RBFOX3: variants seen among roughly 807,000 people sequenced by gnomAD.
RBFOX3 encodes RNA binding protein fox-1 homolog 3.
In RBFOX3, 17 loss-of-function variants were observed where a neutral mutation model predicts 48.7. The ratio of observed to expected loss-of-function variants is 0.35; its 90% CI spans 0.24 to 0.52. RBFOX3 has a LOEUF of 0.52. Ranked by LOEUF, RBFOX3 falls within the 20% of genes least tolerant of loss-of-function variation. RBFOX3 has a pLI of 0.94. For missense variants in RBFOX3, 382 were observed against 497.5 expected (o/e 0.77, Z 2.21); for synonymous variants, 212 against 209.5 (o/e 1.01, Z -0.10).
At chr17:79,445,038 A>G (rs1385775201) in intron 2 of RBFOX3, among the ~76,000 whole-genome samples, 1 of 152,108 alleles carries the variant, frequency 6.6e-6, no homozygotes, top group Non-Finnish European at 1.5e-5. Flanking sequence ...TTCACTGAGC[A>G]TGACGTCCTC....
At chr17:79,122,807 T>A (rs1397886928) in intron 4 of RBFOX3, among the ~76,000 whole-genome samples, 1 of 151,956 alleles carries the variant, frequency 6.6e-6, no homozygotes, top group Admixed American at 6.6e-5. Flanking sequence ...AACCTAAGTG[T>A]CCATCAACAG....
intron 3 of RBFOX3, among the ~76,000 whole-genome samples, chr17:79,287,902 C>G (rs917436855): frequency 6.6e-6 from 1 of 152,146 alleles, no homozygotes; most frequent in Non-Finnish European, 1.5e-5. Context: ...TGTCACATTG[C>G]GGCACGTCGC....
chr17:79,571,633 A>G (rs1465866891), intron 1 of RBFOX3, among the ~76,000 whole-genome samples: 1 of 151,496 alleles, frequency 6.6e-6, no homozygotes, highest in Non-Finnish European at 1.5e-5. Context: ...TGTGATCTAC[A>G]GTTTTAATTA....
In RBFOX3 at chr17:79,469,319, C is replaced by T. The variant is rs961065197; in HGVS notation, c.-175+13135G>A. ...GGGCGGGCTCAAGTCCAGGTCTGTGCCCATCTCCCTGCAGCAGCACTGGGG... is the reference window on the plus strand; with the variant it reads ...GGGCGGGCTCAAGTCCAGGTCTGTGTCCATCTCCCTGCAGCAGCACTGGGG... On this transcript the variant is annotated intron_variant, in intron 2 of 14. Coordinates refer to ENST00000693108, the MANE Select transcript of RBFOX3 (RefSeq NM_001350451.2). Among the ~76,000 whole-genome samples, 28 of 152,316 alleles carry T rather than the reference C, an allele frequency of 1.8e-4. No individual in the cohort carries two copies. In the East Asian group the frequency reaches 5.2e-3, roughly 28 times the overall value.
At chr17:79,617,931 C>T in the RBFOX3 span, among the ~76,000 whole-genome samples, 1 of 152,222 alleles carries the variant, frequency 6.6e-6, no homozygotes, top group Non-Finnish European at 1.5e-5. Flanking sequence ...GCAAGCGCAT[C>T]TGCGATGTCA....
At chr17:79,499,912 G>A (rs1187924193) in intron 1 of RBFOX3, among the ~76,000 whole-genome samples, 8 of 152,180 alleles carry the variant, frequency 5.3e-5, no homozygotes, top group East Asian at 1.9e-4. Flanking sequence ...TTTGCCATGC[G>A]ATTTTGCAGT....
intron 1 of RBFOX3, among the ~76,000 whole-genome samples, chr17:79,578,774 G>A (rs1392652972): frequency 2.0e-5 from 3 of 152,252 alleles, no homozygotes; most frequent in Non-Finnish European, 4.4e-5. Context: ...GGTAGCTGGT[G>A]TAGGGTTTGC....
intron 3 of RBFOX3, among the ~76,000 whole-genome samples, chr17:79,255,614 G>C (rs528590103): frequency 2.4e-4 from 37 of 152,046 alleles, no homozygotes; most frequent in Non-Finnish European, 4.1e-4. Flanking sequence ...CCTGGCGACC[G>C]CGTCTCCCAG....
intron 2 of RBFOX3, among the ~76,000 whole-genome samples, chr17:79,375,729 C>T (rs2059147827): frequency 1.3e-5 from 2 of 152,188 alleles, no homozygotes; most frequent in South Asian, 2.1e-4. Flanking sequence ...AACCTCACTG[C>T]CAGCATGAAA....
chr17:79,468,703 T>C (rs1209145762), intron 2 of RBFOX3, among the ~76,000 whole-genome samples: 1 of 130,088 alleles, frequency 7.7e-6, no homozygotes, highest in African/African-American at 3.2e-5. Context: ...GATAGGAGGA[T>C]AGACGAATGG....
chr17:79,391,702 G>A lies in RBFOX3; in HGVS notation c.-174-83878C>T, dbSNP rs1317309573. On this transcript the variant is annotated intron_variant, in intron 2 of 14. Transcript: ENST00000693108. The surrounding 1 kb of genome is among the most constrained non-coding windows in gnomAD (Gnocchi z 5.0). ...TGTGCATCCACATATATGTGCGTGT[G>A]AGCGTGTGTGGGCACAGGAAAGTCT... is the stretch of plus-strand genomic sequence containing the variant. 1.3e-5 allele frequency among the ~76,000 whole-genome samples: 2 copies of A among 152,210 alleles called. No homozygotes were observed. The highest frequency in any genetic ancestry group is 2.9e-5 in the Non-Finnish European group (2 of 68,028).
intron 1 of RBFOX3, among the ~76,000 whole-genome samples, chr17:79,559,642 A>G (rs2092050879): frequency 5.9e-5 from 2 of 33,980 alleles, no homozygotes; most frequent in Non-Finnish European, 7.9e-5. Flanking sequence ...GATGGTGAAT[A>G]GTGGATGGGT....
intron 3 of RBFOX3, among the ~76,000 whole-genome samples, chr17:79,250,426 C>T (rs557650810): frequency 1.8e-4 from 28 of 152,168 alleles, no homozygotes; most frequent in African/African-American, 6.0e-4. Flanking sequence ...CCCAAGGCCC[C>T]GGGGCTCGTG....
At chr17:79,461,598 T>TGA (rs2075376278) in intron 2 of RBFOX3, among the ~76,000 whole-genome samples, 1 of 152,202 alleles carries the variant, frequency 6.6e-6, no homozygotes, top group African/African-American at 2.4e-5. Context: ...TTCCCCATGG[T>TGA]GAGCATCACT....
At chr17:79,179,048 CCCA>C (rs895242019) in intron 4 of RBFOX3, among the ~76,000 whole-genome samples, 1 of 152,168 alleles carries the variant, frequency 6.6e-6, no homozygotes, top group African/African-American at 2.4e-5. Context: ...TTCCTGGAAT[CCCA>C]CCAAGTCAAC....
intron 2 of RBFOX3, among the ~76,000 whole-genome samples, chr17:79,437,203 G>A (rs894734130): frequency 7.2e-5 from 11 of 152,186 alleles, no homozygotes; most frequent in Middle Eastern, 3.4e-3. Context: ...GCCCCCCTGG[G>A]GTCTGGGGCC....
intron 2 of RBFOX3, among the ~76,000 whole-genome samples, chr17:79,408,413 T>C (rs980970178): frequency 3.3e-5 from 5 of 152,148 alleles, no homozygotes; most frequent in African/African-American, 1.2e-4. Context: ...CAGAAAAGGC[T>C]GGAGCAACCA....
At position 79,606,996 on chromosome 17, in the gene RBFOX3, C is replaced by T. The variant is rs1049599004; in HGVS notation, c.-320+3830G>A. On this transcript the variant is annotated intron_variant, in intron 1 of 14. Coordinates refer to ENST00000693108, the MANE Select transcript of RBFOX3 (RefSeq NM_001350451.2). ...GGAGCAACCTTCTTCAGAGAGGCAG[C>T]AGAAAGTAAGATGTTGAGGCTGCCT... 1.3e-3 allele frequency among the ~76,000 whole-genome samples: 192 copies of T among 152,266 alleles called. 2 individuals are homozygous for T. The highest frequency in any genetic ancestry group is 6.3e-4 in the Non-Finnish European group (43 of 68,016).
chr17:79,268,392 A>G (rs570364130), intron 3 of RBFOX3, among the ~76,000 whole-genome samples: 1 of 152,072 alleles, frequency 6.6e-6, no homozygotes, highest in African/African-American at 2.4e-5. Flanking sequence ...CATGGGTCTG[A>G]GTACCACACT....
Sources: allele counts gnomAD v4.1 joint callset (sites outside exome capture counted in the v4.1 genomes callset), GRCh38; gene constraint gnomAD v4.1.1; non-coding constraint Gnocchi (gnomAD v3.1); transcripts MANE v1.5; gene names NCBI Gene and HGNC (gene_info 2026-07-23, HGNC 2026-07-21).